ZNF892: variants seen among roughly 807,000 people sequenced by gnomAD.
ZNF892 encodes the protein zinc finger protein 892.
the ZNF892 span, among the ~76,000 whole-genome samples, chr2:95,213,936 A>G: frequency 6.6e-6 from 1 of 152,208 alleles, no homozygotes; most frequent in Non-Finnish European, 1.5e-5. Context: ...AGATGGGTAC[A>G]GTGAGTCTTT....
chr2:95,248,218 G>A, the ZNF892 span, among the ~76,000 whole-genome samples: 5 of 152,176 alleles, frequency 3.3e-5, no homozygotes. Flanking sequence ...ATTATCTTAA[G>A]CAAATTAACA....
the ZNF892 span, among the ~76,000 whole-genome samples, chr2:95,217,690 C>T: frequency 1.3e-5 from 2 of 152,160 alleles, no homozygotes; most frequent in African/African-American, 4.8e-5. Flanking sequence ...AGGCAAATTC[C>T]ATTAGGCCTT....
At chr2:95,237,873 G>A in the ZNF892 span, among the ~76,000 whole-genome samples, 6 of 152,210 alleles carry the variant, frequency 3.9e-5, no homozygotes, top group Admixed American at 6.5e-5. Context: ...CCTTTAAGCC[G>A]AAGCCTAATC....
chr2:95,213,604 T>A, the ZNF892 span, among the ~76,000 whole-genome samples: 1 of 152,136 alleles, frequency 6.6e-6, no homozygotes, highest in African/African-American at 2.4e-5. Context: ...CTCTTTTTTC[T>A]TTCTTCTTGG....
the ZNF892 span, among the ~76,000 whole-genome samples, chr2:95,247,036 G>A: frequency 6.6e-6 from 1 of 152,064 alleles, no homozygotes; most frequent in Non-Finnish European, 1.5e-5. Flanking sequence ...CCAAAACAGA[G>A]CCCAAATAGC....
the ZNF892 span, among the ~76,000 whole-genome samples, chr2:95,253,846 A>G: frequency 3.8e-3 from 582 of 152,290 alleles, 1 homozygote; most frequent in Non-Finnish European, 5.6e-3. Context: ...CTTTCAAGCA[A>G]TTGTGAATGG....
At chr2:95,226,328 C>G in the ZNF892 span, among the ~76,000 whole-genome samples, 1 of 152,184 alleles carries the variant, frequency 6.6e-6, no homozygotes, top group African/African-American at 2.4e-5. Flanking sequence ...AGAAGTTAGT[C>G]TGGTGAGGAT....
chr2:95,208,694 A>G, the ZNF892 span: 53 of 398,540 alleles, frequency 1.3e-4, no homozygotes, highest in Non-Finnish European at 1.8e-4. Flanking sequence ...GAAACCCAAA[A>G]GAAAATGACG....
At chr2:95,222,196 T>C in the ZNF892 span, among the ~76,000 whole-genome samples, 1 of 152,224 alleles carries the variant, frequency 6.6e-6, no homozygotes, top group Non-Finnish European at 1.5e-5. Flanking sequence ...TTTTTATTGC[T>C]GAGTAGTTTT....
the ZNF892 span, among the ~76,000 whole-genome samples, chr2:95,225,937 T>C: frequency 6.6e-6 from 1 of 152,246 alleles, no homozygotes; most frequent in Non-Finnish European, 1.5e-5. Context: ...AAGTCCACTC[T>C]GTGGCTTTCC....
chr2:95,228,451 C>T, the ZNF892 span, among the ~76,000 whole-genome samples: 2 of 152,176 alleles, frequency 1.3e-5, no homozygotes, highest in South Asian at 4.1e-4. Context: ...TTTTGCATCA[C>T]ATCAAGAGAC....
At chr2:95,220,160 G>A in the ZNF892 span, among the ~76,000 whole-genome samples, 1 of 152,196 alleles carries the variant, frequency 6.6e-6, no homozygotes, top group East Asian at 1.9e-4. Flanking sequence ...CCAGGGTAAA[G>A]GTGGAGGACT....
the ZNF892 span, chr2:95,214,774 A>T: frequency 2.2e-6 from 1 of 455,032 alleles, no homozygotes; most frequent in Non-Finnish European, 4.0e-6. Flanking sequence ...ACAGGAGAAA[A>T]ACCCTATGAA....
At chr2:95,245,119 A>C in the ZNF892 span, among the ~76,000 whole-genome samples, 10 of 152,242 alleles carry the variant, frequency 6.6e-5, no homozygotes, top group African/African-American at 2.4e-4. Flanking sequence ...CTAACATCGT[A>C]GCTAAAAGAA....
the ZNF892 span, among the ~76,000 whole-genome samples, chr2:95,218,721 C>G: frequency 6.6e-6 from 1 of 152,180 alleles, no homozygotes; most frequent in Non-Finnish European, 1.5e-5. Flanking sequence ...TCTCACAGTC[C>G]TGGAAGCTGT....
chr2:95,221,148 C>T, the ZNF892 span, among the ~76,000 whole-genome samples: 67 of 152,138 alleles, frequency 4.4e-4, no homozygotes, highest in South Asian at 0.013. Flanking sequence ...AGAGTTAGGT[C>T]GAAAATGGAT....
chr2:95,219,928 ACTT>A, the ZNF892 span, among the ~76,000 whole-genome samples: 1 of 152,170 alleles, frequency 6.6e-6, no homozygotes, highest in East Asian at 1.9e-4. Flanking sequence ...TGTTATTGCT[ACTT>A]ACATGGCCTC....
chr2:95,209,038 G>A, the ZNF892 span, among the ~76,000 whole-genome samples: 1 of 152,194 alleles, frequency 6.6e-6, no homozygotes, highest in Non-Finnish European at 1.5e-5. Context: ...AAGGCAGTGA[G>A]AAATACATAA....
At chr2:95,247,037 C>T in the ZNF892 span, among the ~76,000 whole-genome samples, 1 of 152,042 alleles carries the variant, frequency 6.6e-6, no homozygotes. Context: ...CAAAACAGAG[C>T]CCAAATAGCC....
Sources: allele counts gnomAD v4.1 joint callset (sites outside exome capture counted in the v4.1 genomes callset), GRCh38; gene constraint gnomAD v4.1.1; transcripts MANE v1.5; gene names NCBI Gene and HGNC (gene_info 2026-07-23, HGNC 2026-07-21).